TUB: variants seen among roughly 807,000 people sequenced by gnomAD.
The protein encoded by TUB is TUB bipartite transcription factor, also known as tubby protein homolog.
A neutral mutation model predicts 59.7 loss-of-function variants in TUB; 33 were observed. The observed-to-expected ratio is 0.55, with a 90% CI of 0.42 to 0.74. TUB has a LOEUF of 0.74. Among genes scored for constraint, TUB ranks in the 30% least tolerant of loss-of-function variants. The pLI, the probability that TUB is intolerant of heterozygous loss-of-function variation, is 0.00. For missense variants in TUB, 659 were observed against 672.0 expected (o/e 0.98, Z 0.21); for synonymous variants, 293 against 256.4 (o/e 1.14, Z -1.36).
intron 8 of TUB, among the ~76,000 whole-genome samples, chr11:8,098,097 A>G (rs750345091): frequency 2.6e-5 from 4 of 152,044 alleles, no homozygotes; most frequent in Non-Finnish European, 5.9e-5. Context: ...CCAGGGTGTC[A>G]CTGATAACGC....
At chr11:8,032,359 A>T (rs1014533863) in intron 1 of TUB, among the ~76,000 whole-genome samples, 2 of 152,126 alleles carry the variant, frequency 1.3e-5, no homozygotes, top group Admixed American at 6.5e-5. Flanking sequence ...AGATGTTGGG[A>T]TGAAGTTATT....
rs745911298 is a variant in TUB, at chr11:8,097,873, AG to A, written c.998+51del. 5 of 1,442,610 alleles carry A rather than the reference AG, an allele frequency of 3.5e-6. 1 individual carries two copies. Among genetic ancestry groups the A allele is most frequent in the South Asian group, 2.3e-5 (2 of 85,458 alleles). 89.4% of individuals were successfully genotyped at this position (1,442,610 alleles called of 1,614,324 possible). A position where few individuals can be genotyped will look rare whatever the true frequency, so the allele number is the denominator to read the frequency against. On this transcript the variant is annotated intron_variant, in intron 8 of 11. Transcript: ENST00000299506. Reference sequence around the variant, plus strand: ...GCAGGCGGGAGTGGGAGGGAGGGGCAGGGGCAAGCTGTCTGTAGAGGGCCTG... The same window carrying A: ...GCAGGCGGGAGTGGGAGGGAGGGGCAGGGCAAGCTGTCTGTAGAGGGCCTG...
Position 8,101,799 on chromosome 11 carries a change from G to A in TUB, c.*180G>A. 3.2e-5 allele frequency: 35 copies of A among 1,103,020 alleles called. No individual in the cohort carries two copies. Among genetic ancestry groups the A allele is most frequent in the Non-Finnish European group, 4.3e-5 (34 of 796,994 alleles). 68.3% of individuals were successfully genotyped at this position (1,103,020 alleles called of 1,614,324 possible). The stretch of plus-strand genomic sequence containing the variant: ...CTCCTTTGCCTCTGCTACTGAGGCA[G>A]GGGAGTAGTGGAGAGCGGGTGGGTG... On this transcript the variant is annotated 3_prime_UTR_variant, in exon 12 of 12. Coordinates refer to ENST00000299506, the MANE Select transcript of TUB (RefSeq NM_177972.3).
At chr11:8,063,605 G>A (rs1054828552) in intron 2 of TUB, among the ~76,000 whole-genome samples, 5 of 152,162 alleles carry the variant, frequency 3.3e-5, no homozygotes, top group African/African-American at 1.2e-4. Flanking sequence ...CAATCCCCAA[G>A]TGCTGAACCT....
intron 2 of TUB, among the ~76,000 whole-genome samples, chr11:8,074,115 C>T (rs910004840): frequency 1.3e-5 from 2 of 151,258 alleles, no homozygotes; most frequent in South Asian, 4.2e-4. Context: ...TTTACCAAAT[C>T]TATTTTGTAC....
intron 9 of TUB, 60 bp from the exon 10 acceptor site, chr11:8,100,443 C>CA: frequency 1.5e-6 from 2 of 1,350,300 alleles, no homozygotes; most frequent in Non-Finnish European, 2.1e-6. Context: ...CCGTCCCCCC[C>CA]ACCTTCTCCA....
intron 2 of TUB, among the ~76,000 whole-genome samples, chr11:8,047,036 G>T (rs1837854199): frequency 6.6e-6 from 1 of 152,234 alleles, no homozygotes; most frequent in Non-Finnish European, 1.5e-5. Context: ...GGACAAGCTT[G>T]CTCTAAAGCT....
intron 11 of TUB, among the ~76,000 whole-genome samples, 183 bp from the exon 12 acceptor site, chr11:8,101,303 C>G (rs1451311268): frequency 1.3e-5 from 2 of 151,938 alleles, no homozygotes; most frequent in African/African-American, 2.4e-5. Context: ...CCTTTGCCAT[C>G]TGCCACCTCT....
At chr11:8,085,800 T>C (rs578199877) in intron 1 of TUB, among the ~76,000 whole-genome samples, 1 of 152,106 alleles carries the variant, frequency 6.6e-6, no homozygotes, top group South Asian at 2.1e-4. Flanking sequence ...AGAGAGGGAG[T>C]TCGGAAACAG....
intron 8 of TUB, among the ~76,000 whole-genome samples, 188 bp from the exon 9 acceptor site, chr11:8,098,570 G>A (rs961486690): frequency 6.6e-6 from 1 of 152,228 alleles, no homozygotes; most frequent in Non-Finnish European, 1.5e-5. Flanking sequence ...TCAACTCAGA[G>A]CAAGTCCAGG....
rs1944014702 is a variant in TUB at position 8,096,821 on chromosome 11, C to A, written c.687+15C>A. The stretch of plus-strand genomic sequence containing the variant: ...AGTCCGTCAGGGTGAGTGAGTGAGT[C>A]TGCATCCACAGCAGTTTTTGGAGGA... On this transcript the variant is annotated intron_variant, in intron 6 of 11. Transcript: ENST00000299506. The A allele has an allele frequency of 6.2e-7, 1 of 1,614,014 alleles. No homozygotes were observed. Among genetic ancestry groups the A allele is most frequent in the Non-Finnish European group, 8.5e-7 (1 of 1,179,902 alleles).
At chr11:8,049,561 G>GTATGTATA (rs1554923412) in intron 2 of TUB, among the ~76,000 whole-genome samples, 1 of 124,260 alleles carries the variant, frequency 8.0e-6, no homozygotes, top group African/African-American at 3.2e-5. Context: ...GTATTATGTG[G>GTATGTATA]TATATATATA....
chr11:8,097,788 C>T lies in TUB; in HGVS notation c.960C>T (p.Asp320=), dbSNP rs1944063900. Residue 320 remains aspartate (D), a synonymous_variant, in exon 8 of 12, where the codon GAC becomes GAT. Transcript: ENST00000299506. ...ACCTCATCTCTGTGGACCCAACAGA[C>T]TTGTCTCGAGGAGGGGACAGCTATA... is the stretch of plus-strand genomic sequence containing the variant. The part of the protein sequence containing the change: ...SNYLISVDPT[D]LSRGGDSYIG... 3.7e-6 allele frequency: 6 copies of T among 1,614,022 alleles called. No individual in the cohort carries two copies. The highest frequency in any genetic ancestry group is 5.1e-6 in the Non-Finnish European group (6 of 1,179,968).
chr11:8,039,917 T>C (rs1362468706), intron 2 of TUB, among the ~76,000 whole-genome samples: 2 of 152,226 alleles, frequency 1.3e-5, no homozygotes, highest in Non-Finnish European at 2.9e-5. Flanking sequence ...TCTTGGATCC[T>C]CCTGTGGTCT....
At chr11:8,101,125 G>C (rs966149823) in intron 11 of TUB, 128 bp downstream of exon 11, 55 of 1,164,590 alleles carry the variant, frequency 4.7e-5, no homozygotes, top group Non-Finnish European at 6.0e-5. Flanking sequence ...GCTAAGGTTA[G>C]ATGTATGGAA....
chr11:8,080,116 C>A (rs1416093325), upstream of TUB, among the ~76,000 whole-genome samples: 1 of 152,200 alleles, frequency 6.6e-6, no homozygotes, highest in Non-Finnish European at 1.5e-5. Context: ...CCTCAGCCCC[C>A]TTGGCTGTTC....
Position 8,089,625 on chromosome 11 carries a change from G to T in TUB, c.54G>T (p.Glu18Asp). 1 of 1,614,190 alleles carries T rather than the reference G, an allele frequency of 6.2e-7. No individual in the cohort carries two copies. Among genetic ancestry groups the T allele is most frequent in the Non-Finnish European group, 8.5e-7 (1 of 1,180,028 alleles). The change falls in exon 2 of 12, where the codon GAG becomes GAT. Residue 18 changes from glutamate (E) to aspartate (D), a missense_variant. Physicochemically the swap from Glu to Asp is conservative, Grantham distance 45. Transcript: ENST00000299506. ...CGCTCTGCAGTGTCTTAGATGATGA[G>T]GGCAGAAACCTGAGGCAGCAGAAGC... ...DWIPYSVLDD[E>D]GRNLRQQKLD...
At chr11:8,059,242 G>A (rs977985519) in intron 2 of TUB, among the ~76,000 whole-genome samples, 2 of 152,110 alleles carry the variant, frequency 1.3e-5, no homozygotes, top group Non-Finnish European at 2.9e-5. Flanking sequence ...GCAGGCTCAG[G>A]GATTTACAGG....
upstream of TUB, among the ~76,000 whole-genome samples, chr11:8,080,752 G>C (rs138720801): frequency 1.8e-4 from 28 of 152,322 alleles, no homozygotes; most frequent in East Asian, 5.4e-3. Flanking sequence ...CAAAGACAGA[G>C]GGTTCCCCAG....
Sources: allele counts gnomAD v4.1 joint callset (sites outside exome capture counted in the v4.1 genomes callset), GRCh38; gene constraint gnomAD v4.1.1; transcripts MANE v1.5; gene names NCBI Gene and HGNC (gene_info 2026-07-23, HGNC 2026-07-21).